STXBP5L: variants seen among roughly 807,000 people sequenced by gnomAD.
STXBP5L encodes the protein syntaxin-binding protein 5-like.
STXBP5L carries 65 observed loss-of-function variants against 144.5 expected under a neutral mutation model. That is an observed-to-expected ratio of 0.45 (90% confidence interval 0.37 to 0.55). The LOEUF (loss-of-function observed/expected upper bound fraction) is 0.55. Among genes scored for constraint, STXBP5L ranks in the 20% least tolerant of loss-of-function variants. The pLI is 0.00. For missense variants in STXBP5L, 1,298 were observed against 1,405.5 expected (o/e 0.92, Z 1.22); for synonymous variants, 505 against 469.6 (o/e 1.08, Z -0.97).
rs550906891 is a variant in STXBP5L at position 121,006,411 on chromosome 3, C to A, written c.288-35289C>A. Among the ~76,000 whole-genome samples, 5 of 152,146 alleles carry A rather than the reference C, an allele frequency of 3.3e-5. No homozygotes were observed. In the South Asian group the frequency reaches 1.0e-3, roughly 32 times the overall value. On this transcript the variant is annotated intron_variant, in intron 3 of 26. Transcript: ENST00000471454. ...TTTGTTTTCCATTTGCTTGGTAGAT[C>A]TTCCTCCATCCCTTTATTTTGAGCC...
intron 3 of STXBP5L, among the ~76,000 whole-genome samples, chr3:120,990,130 G>T (rs1036305183): frequency 6.6e-6 from 1 of 152,070 alleles, no homozygotes; most frequent in Non-Finnish European, 1.5e-5. Context: ...CAAAATCAAT[G>T]GGCAAAAATC....
chr3:120,950,362 C>T (rs184134402), intron 2 of STXBP5L, among the ~76,000 whole-genome samples: 71 of 152,084 alleles, frequency 4.7e-4, no homozygotes, highest in Admixed American at 2.1e-3. Context: ...ATCTCATTTC[C>T]GTTCCATTAA....
At chr3:121,009,257 G>A (rs561983577) in intron 3 of STXBP5L, among the ~76,000 whole-genome samples, 1 of 151,880 alleles carries the variant, frequency 6.6e-6, no homozygotes, top group Admixed American at 6.6e-5. Flanking sequence ...TAAGAAATAA[G>A]AATCCACATA....
At chr3:121,369,279 G>A (rs2045957145) in intron 20 of STXBP5L, among the ~76,000 whole-genome samples, 1 of 151,414 alleles carries the variant, frequency 6.6e-6, no homozygotes, top group Non-Finnish European at 1.5e-5. Context: ...AATTCTGTCA[G>A]TGCAATTGTT....
chr3:121,265,341 A>G (rs1180030676), intron 18 of STXBP5L, among the ~76,000 whole-genome samples: 1 of 152,232 alleles, frequency 6.6e-6, no homozygotes, highest in Non-Finnish European at 1.5e-5. Context: ...ATGCAACTAC[A>G]TGGAAACTGA....
intron 22 of STXBP5L, among the ~76,000 whole-genome samples, chr3:121,406,624 G>T (rs2108741543): frequency 6.6e-6 from 1 of 152,074 alleles, no homozygotes; most frequent in African/African-American, 2.4e-5. Context: ...TCTGTGTAAA[G>T]ATGCAAAAGC....
intron 3 of STXBP5L, among the ~76,000 whole-genome samples, chr3:120,956,284 A>T (rs1938027559): frequency 6.6e-6 from 1 of 151,776 alleles, no homozygotes; most frequent in South Asian, 2.1e-4. Context: ...TAAATCTTTC[A>T]CTTTGTAAAA....
chr3:121,193,891 C>A (rs1298414958), intron 9 of STXBP5L, among the ~76,000 whole-genome samples: 1 of 151,894 alleles, frequency 6.6e-6, no homozygotes, highest in African/African-American at 2.4e-5. Context: ...TTAATGAGTG[C>A]AGCAAACCAG....
intron 12 of STXBP5L, among the ~76,000 whole-genome samples, chr3:121,238,145 T>A (rs1360067639): frequency 6.6e-6 from 1 of 152,216 alleles, no homozygotes; most frequent in Non-Finnish European, 1.5e-5. Flanking sequence ...TTAGTCTGTT[T>A]TGTGTTACTA....
Position 121,056,038 on chromosome 3 carries a change from C to G in STXBP5L, c.470+10503C>G, listed in dbSNP as rs72968852. Among the ~76,000 whole-genome samples, 379 of 152,138 alleles carry G rather than the reference C, an allele frequency of 2.5e-3. 2 individuals are homozygous for G. Among genetic ancestry groups the G allele is most frequent in the African/African-American group, 8.6e-3 (356 of 41,534 alleles). On this transcript the variant is annotated intron_variant, in intron 5 of 26. Coordinates refer to ENST00000471454, the MANE Select transcript of STXBP5L (RefSeq NM_001308330.2). ...TAGGCTAGACTTGAACTACTGGGCT[C>G]AAGCTATCCTCCTGCCTTGGCCTTA...
intron 3 of STXBP5L, among the ~76,000 whole-genome samples, chr3:121,009,474 A>C (rs1247884977): frequency 6.6e-6 from 1 of 151,946 alleles, no homozygotes; most frequent in Non-Finnish European, 1.5e-5. Flanking sequence ...CAGTGGGAGG[A>C]ATTCCCTTCA....
intron 9 of STXBP5L, among the ~76,000 whole-genome samples, chr3:121,178,377 A>T (rs1396427727): frequency 6.6e-6 from 1 of 152,210 alleles, no homozygotes; most frequent in Non-Finnish European, 1.5e-5. Flanking sequence ...GTGAAAGATG[A>T]TGGCACATTA....
intron 22 of STXBP5L, among the ~76,000 whole-genome samples, chr3:121,399,792 A>T (rs535156408): frequency 6.6e-6 from 1 of 152,330 alleles, no homozygotes; most frequent in South Asian, 2.1e-4. Flanking sequence ...GCCATCATGA[A>T]CATGTCACAG....
chr3:121,060,713 G>T (rs1476917391), intron 5 of STXBP5L, among the ~76,000 whole-genome samples: 1 of 152,158 alleles, frequency 6.6e-6, no homozygotes, highest in Non-Finnish European at 1.5e-5. Context: ...GGTTATATGT[G>T]TTCAGGAATT....
chr3:121,386,442 G>T (rs1195184908), intron 22 of STXBP5L, among the ~76,000 whole-genome samples: 1 of 152,130 alleles, frequency 6.6e-6, no homozygotes, highest in Non-Finnish European at 1.5e-5. Flanking sequence ...TAGGGTACAT[G>T]TGCACCATGT....
chr3:121,312,733 G>A (rs965672790), intron 19 of STXBP5L, among the ~76,000 whole-genome samples: 2 of 150,652 alleles, frequency 1.3e-5, no homozygotes, highest in Non-Finnish European at 3.0e-5. Context: ...TCCATTTAAC[G>A]CTGAGTGGAC....
At chr3:121,035,490 A>G (rs1265183656) in intron 3 of STXBP5L, among the ~76,000 whole-genome samples, 1 of 151,942 alleles carries the variant, frequency 6.6e-6, no homozygotes, top group Non-Finnish European at 1.5e-5. Flanking sequence ...GTATGTTTTC[A>G]TTGACTTTAT....
intron 7 of STXBP5L, among the ~76,000 whole-genome samples, chr3:121,123,672 T>G (rs1359503320): frequency 6.6e-6 from 1 of 151,756 alleles, no homozygotes; most frequent in Admixed American, 6.6e-5. Context: ...TTGTTCAAAT[T>G]TTTATGAAAG....
At chr3:120,996,946 C>T (rs555741754) in intron 3 of STXBP5L, among the ~76,000 whole-genome samples, 2 of 152,218 alleles carry the variant, frequency 1.3e-5, no homozygotes, top group South Asian at 2.1e-4. Flanking sequence ...AATCCTTATC[C>T]TCCTTTCACT....
Sources: allele counts gnomAD v4.1 joint callset (sites outside exome capture counted in the v4.1 genomes callset), GRCh38; gene constraint gnomAD v4.1.1; transcripts MANE v1.5; gene names NCBI Gene and HGNC (gene_info 2026-07-23, HGNC 2026-07-21).